Variants in RPL26L1 observed in about 807,000 individuals in gnomAD.
The protein encoded by RPL26L1 is ribosomal protein L26 like 1.
A neutral mutation model predicts 15.2 loss-of-function variants in RPL26L1; 8 were observed. The ratio of observed to expected loss-of-function variants is 0.53; its 90% CI spans 0.31 to 0.95. RPL26L1 has a LOEUF of 0.95. RPL26L1 is among the 40% of genes least tolerant of loss of function. The pLI is 0.05. For synonymous variants in RPL26L1, 51 were observed against 65.9 expected (o/e 0.77, Z 1.09); for missense variants, 146 against 190.9 (o/e 0.76, Z 1.39).
chr5:172,966,421 T>TAAAGTACC (rs1363685614), intron 2 of RPL26L1, among the ~76,000 whole-genome samples: 2 of 141,432 alleles, frequency 1.4e-5, no homozygotes, highest in Non-Finnish European at 3.0e-5. Context: ...CTGAGCTTCC[T>TAAAGTACC]AAAGTACCAG....
chr5:172,964,281 CTTTTTTTTT>C (rs1204432096), intron 2 of RPL26L1, among the ~76,000 whole-genome samples: 1 of 99,234 alleles, frequency 1.0e-5, no homozygotes, highest in South Asian at 3.1e-4. Flanking sequence ...GGCCTGTTGC[CTTTTTTTTT>C]TTTTTTTTTT....
chr5:172,969,309 C>G, intron 3 of RPL26L1, 104 bp from the exon 4 acceptor site: 1 of 1,237,812 alleles, frequency 8.1e-7, no homozygotes, highest in African/African-American at 1.5e-5. Flanking sequence ...GTTTCAGTTC[C>G]TTAAAAGCTG....
upstream of RPL26L1, chr5:172,954,671 T>A: frequency 3.9e-6 from 1 of 254,410 alleles, no homozygotes; most frequent in Non-Finnish European, 7.9e-6. Flanking sequence ...CTGAAGATTT[T>A]TGGTTGGTTT....
upstream of RPL26L1, chr5:172,955,426 G>A (rs1754941703): frequency 6.2e-6 from 1 of 161,438 alleles, no homozygotes. Context: ...ACTGCGCCCA[G>A]CCTGTGGTTA....
chr5:172,963,427 A>T (rs984284402), intron 2 of RPL26L1, among the ~76,000 whole-genome samples: 1 of 151,988 alleles, frequency 6.6e-6, no homozygotes, highest in Non-Finnish European at 1.5e-5. Flanking sequence ...CTATGGGCCA[A>T]TCCTGGTCTA....
chr5:172,962,236 A>G (rs974398888), intron 2 of RPL26L1, among the ~76,000 whole-genome samples: 1 of 152,156 alleles, frequency 6.6e-6, no homozygotes, highest in Non-Finnish European at 1.5e-5. Flanking sequence ...GCTGGGCATG[A>G]TGGCTCACGC....
At chr5:172,963,400 A>AT (rs1454149410) in intron 2 of RPL26L1, among the ~76,000 whole-genome samples, 2 of 151,314 alleles carry the variant, frequency 1.3e-5, no homozygotes, top group Non-Finnish European at 2.9e-5. Flanking sequence ...ATCTAAAATC[A>AT]TTGACTGCAA....
upstream of RPL26L1, chr5:172,958,307 G>GT: frequency 2.3e-6 from 1 of 441,432 alleles, no homozygotes; most frequent in Non-Finnish European, 4.5e-6. Context: ...AAACGCAGGT[G>GT]TTTAACAATG....
upstream of RPL26L1, chr5:172,958,924 T>C (rs7732462): frequency 0.061 from 9,419 of 153,268 alleles, 665 homozygotes; most frequent in African/African-American, 0.17. Context: ...GTCCCAGAGA[T>C]AGAAAAAAGT....
At chr5:172,957,993 A>G, upstream of RPL26L1, 1 of 223,206 alleles carries the variant, frequency 4.5e-6, no homozygotes. Context: ...GGCCAGGCGC[A>G]GTGGCTCACG....
chr5:172,961,633 C>T (rs189653779), intron 2 of RPL26L1, among the ~76,000 whole-genome samples: 2 of 152,332 alleles, frequency 1.3e-5, no homozygotes, highest in African/African-American at 4.8e-5. Context: ...ATTATAGAAC[C>T]TACTTTGACG....
chr5:172,956,529 C>G (rs73327096), upstream of RPL26L1, among the ~76,000 whole-genome samples: 3,270 of 152,256 alleles, frequency 0.021, 103 homozygotes, highest in African/African-American at 0.073. Flanking sequence ...CAATGCCTGA[C>G]AGTAAATGCT....
intron 2 of RPL26L1, 99 bp downstream of exon 2, chr5:172,960,140 G>GT: frequency 7.1e-7 from 1 of 1,408,246 alleles, no homozygotes; most frequent in Non-Finnish European, 1.0e-6. Flanking sequence ...ACTCTGGAAA[G>GT]TAGTGTGACC....
At chr5:172,954,894 A>G (rs1764321379), upstream of RPL26L1, 1 of 455,560 alleles carries the variant, frequency 2.2e-6, no homozygotes, top group African/African-American at 2.0e-5. Flanking sequence ...AATCAGGATT[A>G]CAGAGCAAAA....
chr5:172,954,483 C>CG (rs1235178567), upstream of RPL26L1, among the ~76,000 whole-genome samples: 18 of 3,626 alleles, frequency 5.0e-3, no homozygotes, highest in Admixed American at 0.012. Flanking sequence ...GCAGGGGCGG[C>CG]GGGGGGGAAG....
upstream of RPL26L1, chr5:172,957,264 CTT>C: frequency 2.2e-6 from 1 of 456,290 alleles, no homozygotes; most frequent in Non-Finnish European, 4.4e-6. Context: ...GCCTCCAGCT[CTT>C]GTCATCCAGG....
At chr5:172,956,516 G>C (rs1754980399), upstream of RPL26L1, among the ~76,000 whole-genome samples, 3 of 152,128 alleles carry the variant, frequency 2.0e-5, no homozygotes, top group Admixed American at 2.0e-4. Context: ...AAACCTGTTA[G>C]CACAATGCCT....
At chr5:172,958,483 G>A (rs1007599063), upstream of RPL26L1, 42 of 455,612 alleles carry the variant, frequency 9.2e-5, no homozygotes, top group African/African-American at 7.8e-4. Context: ...ACGAAAGGGA[G>A]AGTTGGAGTT....
intron 2 of RPL26L1, among the ~76,000 whole-genome samples, chr5:172,967,175 G>A (rs1371758069): frequency 6.6e-6 from 1 of 150,512 alleles, no homozygotes; most frequent in African/African-American, 2.4e-5. Flanking sequence ...TGTTTAATAA[G>A]CTCTTGTGGC....
Sources: allele counts gnomAD v4.1 joint callset (sites outside exome capture counted in the v4.1 genomes callset), GRCh38; gene constraint gnomAD v4.1.1; transcripts MANE v1.5; gene names NCBI Gene and HGNC (gene_info 2026-07-23, HGNC 2026-07-21).